Variants in VPS13B observed in about 807,000 individuals in gnomAD.
VPS13B encodes the protein intermembrane lipid transfer protein VPS13B.
A neutral mutation model predicts 426.4 loss-of-function variants in VPS13B; 285 were observed. The ratio of observed to expected loss-of-function variants is 0.67; its 90% CI spans 0.61 to 0.74. The LOEUF (loss-of-function observed/expected upper bound fraction) is 0.74, where lower values mean the gene tolerates loss of function less well. Ranked by LOEUF, VPS13B falls within the 30% of genes least tolerant of loss-of-function variation. The pLI is 0.00. For missense variants in VPS13B, 4,537 were observed against 4,782.6 expected (o/e 0.95, Z 1.51); for synonymous variants, 1,676 against 1,676.4 (o/e 1.00, Z 0.01).
At chr8:99,607,254 C>T (rs896873992) in intron 33 of VPS13B, among the ~76,000 whole-genome samples, 10 of 152,090 alleles carry the variant, frequency 6.6e-5, no homozygotes, top group African/African-American at 2.4e-4. Context: ...TAACTATTTC[C>T]GGAGCTCCTT....
At chr8:99,732,566 A>G (rs1352381867) in intron 39 of VPS13B, among the ~76,000 whole-genome samples, 2 of 152,218 alleles carry the variant, frequency 1.3e-5, no homozygotes, top group South Asian at 4.1e-4. Flanking sequence ...TTGGGAGACA[A>G]CATCAGCCCT....
Position 99,197,464 on chromosome 8 carries a change from A to G in VPS13B, c.2515+4407A>G, listed in dbSNP as rs181264877. Among the ~76,000 whole-genome samples, 5 of 151,826 alleles carry G rather than the reference A, an allele frequency of 3.3e-5. No homozygotes were observed. In the East Asian group the frequency reaches 9.7e-4, roughly 29 times the overall value. The stretch of plus-strand genomic sequence containing the variant: ...GATGGGGACTTTTTGTTACTGATTC[A>G]CTCTTCTTACTCATTATTGGTCTAC... On this transcript the variant is annotated intron_variant, in intron 17 of 61. Transcript: ENST00000357162.
At chr8:99,430,458 A>G (rs1385006725) in intron 21 of VPS13B, among the ~76,000 whole-genome samples, 3 of 152,220 alleles carry the variant, frequency 2.0e-5, no homozygotes, top group Non-Finnish European at 4.4e-5. Flanking sequence ...CATAAGCTGT[A>G]TTATATAAAT....
intron 17 of VPS13B, among the ~76,000 whole-genome samples, chr8:99,198,632 T>G (rs1814091550): frequency 6.6e-6 from 1 of 152,216 alleles, no homozygotes; most frequent in Admixed American, 6.5e-5. Context: ...AACCTCAAGT[T>G]CTGTCATTTA....
At chr8:99,088,252 A>G (rs57231976) in intron 3 of VPS13B, among the ~76,000 whole-genome samples, 12,568 of 151,860 alleles carry the variant, frequency 0.083, 876 homozygotes, top group African/African-American at 0.19. Flanking sequence ...AAAAAAATCA[A>G]TTGGTAATTT....
intron 25 of VPS13B, among the ~76,000 whole-genome samples, chr8:99,486,684 C>T (rs768632342): frequency 2.0e-5 from 3 of 152,170 alleles, no homozygotes; most frequent in Non-Finnish European, 2.9e-5. Flanking sequence ...CCAGTTCAGA[C>T]TCTACACTAT....
At chr8:99,541,500 C>G (rs562161570) in intron 30 of VPS13B, among the ~76,000 whole-genome samples, 1 of 152,112 alleles carries the variant, frequency 6.6e-6, no homozygotes, top group Non-Finnish European at 1.5e-5. Flanking sequence ...TCTTCCCCTT[C>G]CCCCTGCACC....
chr8:99,810,376 C>G lies in VPS13B; in HGVS notation c.8097+846C>G, dbSNP rs374761993. On this transcript the variant is annotated intron_variant, in intron 44 of 61. Transcript: ENST00000357162. ...TTTGTGGGACATGATAGAAACAGCA[C>G]TTAGTCCCTGGAAAAGGGGAGCTTC... Among the ~76,000 whole-genome samples the G allele has an allele frequency of 2.4e-4, 37 of 152,306 alleles. No homozygotes were observed. The South Asian group carries it at 7.7e-3, about 32-fold the overall frequency.
intron 19 of VPS13B, among the ~76,000 whole-genome samples, chr8:99,318,921 A>G (rs1809828810): frequency 6.6e-6 from 1 of 152,204 alleles, no homozygotes; most frequent in African/African-American, 2.4e-5. Flanking sequence ...AATTAGGGGC[A>G]TAATGATGTA....
At chr8:99,662,711 G>A (rs994275072) in intron 35 of VPS13B, among the ~76,000 whole-genome samples, 9 of 152,024 alleles carry the variant, frequency 5.9e-5, no homozygotes, top group African/African-American at 9.7e-5. Flanking sequence ...GCTTCCTAAC[G>A]TGCTGGGATT....
chr8:99,747,560 A>G (rs1365551496), intron 39 of VPS13B, among the ~76,000 whole-genome samples: 5 of 152,088 alleles, frequency 3.3e-5, no homozygotes, highest in African/African-American at 1.2e-4. Flanking sequence ...TGGAATTGTC[A>G]GTGTTGCATA....
chr8:99,835,765 G>A (rs1191906970), intron 54 of VPS13B, 27 bp downstream of exon 54: 1 of 1,613,080 alleles, frequency 6.2e-7, no homozygotes, highest in Admixed American at 1.7e-5. Context: ...TTCCTGCCAA[G>A]ACCCAAAGAA....
chr8:99,311,090 A>C (rs1440670359), intron 19 of VPS13B, among the ~76,000 whole-genome samples: 1 of 151,914 alleles, frequency 6.6e-6, no homozygotes, highest in African/African-American at 2.4e-5. Flanking sequence ...GCTTTGGTCT[A>C]TCAATTTTGT....
intron 36 of VPS13B, among the ~76,000 whole-genome samples, chr8:99,702,588 C>T (rs905582867): frequency 6.6e-6 from 1 of 152,166 alleles, no homozygotes; most frequent in African/African-American, 2.4e-5. Flanking sequence ...ATCTGCATAA[C>T]TCCCCAATGA....
chr8:99,218,004 C>T (rs1429115261), intron 17 of VPS13B, among the ~76,000 whole-genome samples: 1 of 152,158 alleles, frequency 6.6e-6, no homozygotes, highest in East Asian at 1.9e-4. Context: ...AAATTAGAAT[C>T]TCCTAGGTTT....
intron 51 of VPS13B, among the ~76,000 whole-genome samples, chr8:99,828,212 C>G (rs770779222): frequency 2.6e-5 from 4 of 151,822 alleles, no homozygotes; most frequent in Non-Finnish European, 5.9e-5. Context: ...TCTAGGTCTC[C>G]TTATAGGTCT....
At chr8:99,056,088 G>T (rs1168916213) in intron 3 of VPS13B, among the ~76,000 whole-genome samples, 1 of 151,420 alleles carries the variant, frequency 6.6e-6, no homozygotes, top group Admixed American at 6.6e-5. Context: ...ACAGGATTTT[G>T]CTCTGTTGCT....
In VPS13B at chr8:99,848,807, A is replaced by T; in HGVS notation, c.9974A>T (p.Tyr3325Phe). ...TTCCTGACTGGCTTTGGCTATGTGT[A>T]TGTGGATGTTGTACATCAGTGTGGC... ...VVFLTGFGYV[Y>F]VDVVHQCGTV... is the part of the protein sequence containing the mutation. Residue 3325 changes from tyrosine to phenylalanine, a missense_variant, in exon 55 of 62, where the codon TAT (tyrosine) becomes TTT (phenylalanine). Transcript: ENST00000357162. 1 of 1,614,130 alleles carries T rather than the reference A, an allele frequency of 6.2e-7. No homozygotes were observed. The highest frequency in any genetic ancestry group is 8.5e-7 in the Non-Finnish European group (1 of 1,179,996).
intron 31 of VPS13B, among the ~76,000 whole-genome samples, chr8:99,557,150 T>A (rs930929993): frequency 6.6e-6 from 1 of 152,110 alleles, no homozygotes. Context: ...AAATTTTTTT[T>A]ATTTCAATAG....
Sources: gnomAD v4.1 joint callset for allele counts (sites outside exome capture counted in the v4.1 genomes callset) on GRCh38, gnomAD v4.1.1 for gene constraint, MANE v1.5 for transcripts, NCBI Gene and HGNC (gene_info 2026-07-23, HGNC 2026-07-21) for gene names.